Variants in MCMBP observed in about 807,000 individuals in gnomAD.
The protein encoded by MCMBP is mini-chromosome maintenance complex-binding protein.
In MCMBP, 31 loss-of-function variants were observed where a neutral mutation model predicts 81.3. The observed-to-expected ratio is 0.38, with a 90% CI of 0.29 to 0.51. The LOEUF (loss-of-function observed/expected upper bound fraction) is 0.51, where lower values mean the gene tolerates loss of function less well. Ranked by LOEUF, MCMBP falls within the 20% of genes least tolerant of loss-of-function variation. The pLI is 0.87. For synonymous variants in MCMBP, 267 were observed against 275.9 expected, an observed-to-expected ratio of 0.97 and a Z score of 0.32; for missense variants, 645 against 772.1, an observed-to-expected ratio of 0.84 and a Z score of 1.95.
rs1853187769 is a variant in MCMBP at position 119,859,823 on chromosome 10, C to G, written c.120G>C (p.Leu40=). 1.2e-6 allele frequency: 2 copies of G among 1,613,356 alleles called. No homozygotes were observed. Among genetic ancestry groups the G allele is most frequent in the East Asian group, 4.5e-5 (2 of 44,830 alleles). The change falls in exon 2 of 16, where the codon CTG becomes CTC. Residue 40 remains leucine, a synonymous_variant. Transcript: ENST00000369077. ...KKVIEYFKEK[L]KENNAPKWVP... ...CCCACTTAGGAGCATTATTTTCCTT[C>G]AGCTTTTCCTTAAAATACTCAATTA... is the stretch of plus-strand genomic sequence containing the variant.
chr10:119,839,609 G>A (rs1329692390), intron 11 of MCMBP, among the ~76,000 whole-genome samples: 1 of 152,106 alleles, frequency 6.6e-6, no homozygotes, highest in Non-Finnish European at 1.5e-5. Flanking sequence ...AGAACCCCCA[G>A]GGAATTGCTT....
At chr10:119,869,119 T>TACG (rs1339781075) in intron 1 of MCMBP, among the ~76,000 whole-genome samples, 1 of 152,160 alleles carries the variant, frequency 6.6e-6, no homozygotes, top group Non-Finnish European at 1.5e-5. Context: ...GGAAAGAGAC[T>TACG]ACGATGGCTT....
At chr10:119,867,151 G>A (rs186462901) in intron 1 of MCMBP, among the ~76,000 whole-genome samples, 12 of 151,548 alleles carry the variant, frequency 7.9e-5, no homozygotes, top group Non-Finnish European at 1.3e-4. Context: ...AAATTAGCCA[G>A]GTGTGGTGGT....
intron 1 of MCMBP, among the ~76,000 whole-genome samples, chr10:119,864,572 C>T (rs1304359515): frequency 6.7e-6 from 1 of 148,258 alleles, no homozygotes; most frequent in Non-Finnish European, 1.5e-5. Flanking sequence ...TAGAGGTTTA[C>T]AATTTTATTG....
At position 119,859,195 on chromosome 10, in the gene MCMBP, A is replaced by G. The variant is rs1275708353; in HGVS notation, c.145-14T>C. 6.2e-7 allele frequency: 1 copy of G among 1,609,216 alleles called. No individual in the cohort carries two copies. Among genetic ancestry groups the G allele is most frequent in the Admixed American group, 1.7e-5 (1 of 58,796 alleles). Reference sequence around the variant, plus strand: ...CAGTGATGGTACCTTAAAGGAAAATAATCAAGTCAGTCAACTAAATATCCT... The same window carrying G: ...CAGTGATGGTACCTTAAAGGAAAATGATCAAGTCAGTCAACTAAATATCCT... On this transcript the variant is annotated splice_polypyrimidine_tract_variant and intron_variant, in intron 2 of 15. Coordinates refer to ENST00000369077, the MANE Select transcript of MCMBP (RefSeq NM_001256378.2).
At chr10:119,860,026 G>T in intron 1 of MCMBP, 142 bp from the exon 2 acceptor site, 3 of 614,980 alleles carry the variant, frequency 4.9e-6, no homozygotes, top group Non-Finnish European at 2.8e-6. Context: ...TTTAGATAGG[G>T]TGTATTTTAT....
At chr10:119,848,869 G>A (rs1176499310) in intron 7 of MCMBP, among the ~76,000 whole-genome samples, 2 of 152,220 alleles carry the variant, frequency 1.3e-5, no homozygotes, top group Non-Finnish European at 2.9e-5. Context: ...TGTTAGAAAT[G>A]ATACAGGAAG....
Position 119,833,311 on chromosome 10 carries a change from A to G in MCMBP, c.1708-1211T>C, listed in dbSNP as rs574801949. Among the ~76,000 whole-genome samples the G allele has an allele frequency of 3.3e-5, 5 of 152,266 alleles. No individual in the cohort carries two copies. The South Asian group carries it at 6.2e-4, about 19-fold the overall frequency. ...CCTAGGGAGGTTTAATTTCCAGAGT[A>G]ACTTCCAAAGCAGAGTTGCCATATT... On this transcript the variant is annotated intron_variant, in intron 14 of 15. Transcript: ENST00000369077.
In MCMBP at chr10:119,850,874, G is replaced by GTTTTTTT. The variant is rs1284100421; in HGVS notation, c.575-1305_575-1299dup. On this transcript the variant is annotated intron_variant, in intron 6 of 15. Transcript: ENST00000369077. ...AGAGGCTAAAAGGTATACAAGATCT[G>GTTTTTTT]TTTTTTTTTTTTTTTTTTGAGACAG... 5.8e-4 allele frequency among the ~76,000 whole-genome samples: 76 copies of GTTTTTTT among 130,522 alleles called. 2 individuals are homozygous for GTTTTTTT. In the South Asian group the frequency reaches 6.0e-3, roughly 10 times the overall value. The allele number at this position is 130,522 out of a possible 152,430, so 85.6% of individuals were successfully genotyped here.
chr10:119,847,149 G>C (rs149678542), intron 8 of MCMBP, among the ~76,000 whole-genome samples: 2 of 152,208 alleles, frequency 1.3e-5, no homozygotes, highest in East Asian at 1.9e-4. Flanking sequence ...TGCTGAACTG[G>C]AATCAGAAAT....
chr10:119,837,099 C>T (rs3765508), intron 12 of MCMBP, 70 bp from the exon 13 acceptor site: 103,736 of 1,479,600 alleles, frequency 0.07, 6,045 homozygotes, highest in South Asian at 0.26. Context: ...TTGCTGACAC[C>T]GATGATGAGC....
intron 1 of MCMBP, among the ~76,000 whole-genome samples, chr10:119,863,089 G>A (rs780227714): frequency 2.0e-5 from 3 of 152,098 alleles, no homozygotes; most frequent in Non-Finnish European, 2.9e-5. Context: ...TATTCTCCCA[G>A]TGTATAGCTT....
chr10:119,837,578 T>G (rs1229439007), intron 12 of MCMBP, among the ~76,000 whole-genome samples: 1 of 152,194 alleles, frequency 6.6e-6, no homozygotes, highest in Non-Finnish European at 1.5e-5. Context: ...ATCTATTATT[T>G]CTCAGACATT....
chr10:119,870,634 T>C (rs149644913), intron 1 of MCMBP, among the ~76,000 whole-genome samples: 4 of 152,352 alleles, frequency 2.6e-5, no homozygotes, highest in South Asian at 4.1e-4. Flanking sequence ...TTTTTCTTTC[T>C]GTACAATGCA....
chr10:119,837,862 CCATTTCAGCTTTT>C, intron 12 of MCMBP, among the ~76,000 whole-genome samples: 1 of 152,072 alleles, frequency 6.6e-6, no homozygotes, highest in African/African-American at 2.4e-5. Flanking sequence ...AAGCTTCCTC[CCATTTCAGCTTTT>C]TAAAAAGCTA....
intron 5 of MCMBP, among the ~76,000 whole-genome samples, chr10:119,853,413 T>C (rs1204557078): frequency 1.3e-5 from 2 of 152,168 alleles, no homozygotes; most frequent in African/African-American, 4.8e-5. Context: ...CTGGACAAAA[T>C]ATGTGAAGCA....
chr10:119,862,347 T>A (rs1348515203), intron 1 of MCMBP, among the ~76,000 whole-genome samples: 1 of 151,942 alleles, frequency 6.6e-6, no homozygotes, highest in Non-Finnish European at 1.5e-5. Flanking sequence ...AAGAAAAAAT[T>A]ATCAAGACAC....
intron 1 of MCMBP, 35 bp from the exon 2 acceptor site, chr10:119,859,919 C>T: frequency 4.1e-6 from 6 of 1,463,668 alleles, no homozygotes; most frequent in South Asian, 1.2e-5. Context: ...AGCTAATGTA[C>T]ATGCAATATA....
chr10:119,855,470 G>T (rs941919575), intron 5 of MCMBP, among the ~76,000 whole-genome samples: 1 of 152,190 alleles, frequency 6.6e-6, no homozygotes, highest in Non-Finnish European at 1.5e-5. Context: ...AGGAGTTCAA[G>T]ACCAGCCTGG....
Sources: gnomAD v4.1 joint callset for allele counts (sites outside exome capture counted in the v4.1 genomes callset) on GRCh38, gnomAD v4.1.1 for gene constraint, MANE v1.5 for transcripts, NCBI Gene and HGNC (gene_info 2026-07-23, HGNC 2026-07-21) for gene names.